The following SPATA17 variants were observed in gnomAD, a reference collection of about 807,000 sequenced individuals.
SPATA17 encodes the protein spermatogenesis associated 17, also known as spermatogenesis-associated protein 17.
A neutral mutation model predicts 62.2 loss-of-function variants in SPATA17; 53 were observed. The observed-to-expected ratio is 0.85, with a 90% CI of 0.68 to 1.07. SPATA17 has a LOEUF of 1.07. Among genes scored for constraint, SPATA17 ranks in the 50% least tolerant of loss-of-function variants. The pLI is 0.00. For synonymous variants in SPATA17, 146 were observed against 146.8 expected, an observed-to-expected ratio of 0.99 and a Z score of 0.04; for missense variants, 466 against 425.5, an observed-to-expected ratio of 1.10 and a Z score of -0.84.
chr1:217,690,599 A>G (rs1671329294), intron 5 of SPATA17, among the ~76,000 whole-genome samples: 1 of 133,048 alleles, frequency 7.5e-6, no homozygotes. Context: ...CTAACTCATC[A>G]TCTAGCATTA....
intron 3 of SPATA17, among the ~76,000 whole-genome samples, chr1:217,661,478 A>C (rs1370242925): frequency 6.6e-6 from 1 of 152,160 alleles, no homozygotes; most frequent in Non-Finnish European, 1.5e-5. Flanking sequence ...ATAGCTTATC[A>C]AGTCCTAAAG....
rs533066192 is a variant in SPATA17 at position 217,808,452 on chromosome 1, T to C, written c.1005+6602T>C. The stretch of plus-strand genomic sequence containing the variant: ...GGAATTGGGGCCACTGGAAAGGGTA[T>C]GGGTTCCACATACTACCAGATCTAA... On this transcript the variant is annotated intron_variant, in intron 9 of 10. Transcript: ENST00000366933. 9.2e-5 allele frequency among the ~76,000 whole-genome samples: 14 copies of C among 152,172 alleles called. 1 individual carries two copies. The South Asian group carries it at 2.5e-3, about 27-fold the overall frequency.
intron 5 of SPATA17, among the ~76,000 whole-genome samples, chr1:217,723,069 C>T (rs376421431): frequency 2.0e-5 from 3 of 152,318 alleles, no homozygotes; most frequent in East Asian, 3.9e-4. Context: ...GACGTATTAG[C>T]ATCAGCCCTC....
chr1:217,832,219 A>C, intron 9 of SPATA17, among the ~76,000 whole-genome samples: 1 of 152,162 alleles, frequency 6.6e-6, no homozygotes, highest in Non-Finnish European at 1.5e-5. Context: ...CCACATATAA[A>C]ATGTATGCTT....
chr1:217,664,291 T>A (rs1485182759), intron 3 of SPATA17, among the ~76,000 whole-genome samples: 2 of 4,818 alleles, frequency 4.2e-4, no homozygotes, highest in Admixed American at 9.9e-4. Flanking sequence ...TTAAAAATCT[T>A]TTTTTTTTTT....
chr1:217,735,167 C>A (rs894877965), intron 5 of SPATA17, among the ~76,000 whole-genome samples: 1 of 152,184 alleles, frequency 6.6e-6, no homozygotes, highest in Non-Finnish European at 1.5e-5. Flanking sequence ...AAACATTATT[C>A]TTGACCTTCA....
At chr1:217,786,747 C>CTT (rs1412929259) in intron 8 of SPATA17, among the ~76,000 whole-genome samples, 1 of 149,052 alleles carries the variant, frequency 6.7e-6, no homozygotes, top group Non-Finnish European at 1.5e-5. Flanking sequence ...ATTTGATATT[C>CTT]TCTTTCTTCT....
At chr1:217,811,729 G>GCT (rs1195631549) in intron 9 of SPATA17, among the ~76,000 whole-genome samples, 4 of 151,800 alleles carry the variant, frequency 2.6e-5, no homozygotes, top group African/African-American at 7.3e-5. Context: ...CTGTGTGGTG[G>GCT]CTAGCATAAT....
intron 5 of SPATA17, 133 bp from the exon 6 acceptor site, chr1:217,741,842 A>G (rs1672631097): frequency 1.1e-6 from 1 of 882,280 alleles, no homozygotes; most frequent in South Asian, 1.9e-5. Context: ...AAATGCAGGT[A>G]AGATAGATTA....
intron 6 of SPATA17, among the ~76,000 whole-genome samples, chr1:217,768,892 C>T (rs573454084): frequency 2.0e-5 from 3 of 152,224 alleles, no homozygotes; most frequent in Admixed American, 6.5e-5. Context: ...TATTAGAGGG[C>T]GCTTACTACT....
chr1:217,722,171 C>G (rs1260549112), intron 5 of SPATA17, among the ~76,000 whole-genome samples: 3 of 152,086 alleles, frequency 2.0e-5, no homozygotes, highest in Non-Finnish European at 4.4e-5. Context: ...ATGAGGGGTA[C>G]TTAAAATATG....
intron 9 of SPATA17, among the ~76,000 whole-genome samples, chr1:217,837,931 A>G (rs6673534): frequency 1 from 152,034 of 152,240 alleles, 75,916 homozygotes; most frequent in East Asian, 1. Context: ...CTGTGTGGTC[A>G]GGTATAATAG....
chr1:217,713,239 A>G (rs1423037114), intron 5 of SPATA17, among the ~76,000 whole-genome samples: 1 of 152,106 alleles, frequency 6.6e-6, no homozygotes, highest in Non-Finnish European at 1.5e-5. Context: ...GTGTGCTATC[A>G]ATTTCCTTCA....
At chr1:217,719,370 A>T (rs1462316490) in intron 5 of SPATA17, among the ~76,000 whole-genome samples, 1 of 152,140 alleles carries the variant, frequency 6.6e-6, no homozygotes, top group East Asian at 1.9e-4. Flanking sequence ...CTTCTCTACC[A>T]TTCAGTGCTG....
intron 3 of SPATA17, among the ~76,000 whole-genome samples, chr1:217,660,911 G>A (rs546132670): frequency 3.3e-5 from 5 of 152,308 alleles, no homozygotes; most frequent in South Asian, 4.1e-4. Context: ...TGGGTTACTC[G>A]GTTATGCTTA....
intron 3 of SPATA17, among the ~76,000 whole-genome samples, chr1:217,666,386 T>G (rs1289541065): frequency 6.6e-6 from 1 of 152,160 alleles, no homozygotes; most frequent in Non-Finnish European, 1.5e-5. Context: ...AGTGTTCAAG[T>G]AACCCAAAGG....
chr1:217,824,136 A>G (rs916302695), intron 9 of SPATA17, among the ~76,000 whole-genome samples: 3 of 151,992 alleles, frequency 2.0e-5, no homozygotes, highest in Non-Finnish European at 4.4e-5. Context: ...TTGATAGGTA[A>G]GGACTTACTA....
chr1:217,748,495 C>A (rs59984038), intron 6 of SPATA17, among the ~76,000 whole-genome samples: 69,638 of 151,696 alleles, frequency 0.46, 17,489 homozygotes, highest in Non-Finnish European at 0.58. Flanking sequence ...TGTAACCCAG[C>A]ACTTGGGGAG....
intron 5 of SPATA17, among the ~76,000 whole-genome samples, chr1:217,729,619 A>C (rs1251051076): frequency 1.3e-5 from 2 of 152,182 alleles, no homozygotes; most frequent in African/African-American, 4.8e-5. Context: ...ATCAAGATAC[A>C]ATAATTATAG....
Sources: allele counts gnomAD v4.1 joint callset (sites outside exome capture counted in the v4.1 genomes callset), GRCh38; gene constraint gnomAD v4.1.1; transcripts MANE v1.5; gene names NCBI Gene and HGNC (gene_info 2026-07-23, HGNC 2026-07-21).